Variants in EPB41L2 observed in about 807,000 individuals in gnomAD.
EPB41L2 encodes erythrocyte membrane protein band 4.1 like 2, also known as band 4.1-like protein 2.
A neutral mutation model predicts 113.0 loss-of-function variants in EPB41L2; 43 were observed. The observed-to-expected ratio is 0.38, with a 90% CI of 0.30 to 0.49. The LOEUF is 0.49. Among genes scored for constraint, EPB41L2 ranks in the 20% least tolerant of loss-of-function variants. The pLI is 0.95. For synonymous variants in EPB41L2, 442 were observed against 436.7 expected (o/e 1.01, Z -0.15); for missense variants, 1,147 against 1,223.4 (o/e 0.94, Z 0.93).
At chr6:130,870,454 T>G in intron 14 of EPB41L2, 1 of 1,456,136 alleles carries the variant, frequency 6.9e-7, no homozygotes. Flanking sequence ...AACAAACATC[T>G]GACACTGCAA....
chr6:131,018,434 G>GAA (rs1584550423), intron 1 of EPB41L2, among the ~76,000 whole-genome samples: 1 of 152,018 alleles, frequency 6.6e-6, no homozygotes, highest in African/African-American at 2.4e-5. Context: ...AAAGAAAGGG[G>GAA]AACAGGCGAG....
chr6:130,999,625 C>T (rs1783922853), intron 1 of EPB41L2, among the ~76,000 whole-genome samples: 1 of 152,064 alleles, frequency 6.6e-6, no homozygotes, highest in Non-Finnish European at 1.5e-5. Flanking sequence ...TTAAGATTGG[C>T]CTACTGGGTC....
intron 3 of EPB41L2, among the ~76,000 whole-genome samples, chr6:130,939,913 A>C (rs577192898): frequency 6.6e-6 from 1 of 152,338 alleles, no homozygotes; most frequent in South Asian, 2.1e-4. Context: ...TAAAGATGGT[A>C]GAATGAACAT....
chr6:130,883,752 T>C (rs910435607), intron 12 of EPB41L2, among the ~76,000 whole-genome samples: 1 of 152,222 alleles, frequency 6.6e-6, no homozygotes, highest in Admixed American at 6.5e-5. Context: ...GAAACCTTGT[T>C]GGTCACAATT....
chr6:130,917,454 C>T lies in EPB41L2; in HGVS notation c.811-8591G>A, dbSNP rs528701281. ...ATATCTGATGGGGTTCCTCATCCTCCACCATCCCCCAAGTGATATCAGATC... is the reference window on the plus strand; with the variant it reads ...ATATCTGATGGGGTTCCTCATCCTCTACCATCCCCCAAGTGATATCAGATC... On this transcript the variant is annotated intron_variant, in intron 4 of 19. Transcript: ENST00000337057. 1.4e-3 allele frequency among the ~76,000 whole-genome samples: 220 copies of T among 152,228 alleles called. 2 individuals are homozygous for T. Among genetic ancestry groups the T allele is most frequent in the African/African-American group, 4.9e-3 (204 of 41,528 alleles).
chr6:130,897,363 C>T (rs1460682613), intron 8 of EPB41L2, among the ~76,000 whole-genome samples: 2 of 152,052 alleles, frequency 1.3e-5, no homozygotes, highest in Non-Finnish European at 2.9e-5. Context: ...CAAATATTAC[C>T]TAAGGAGTCT....
At chr6:130,917,740 G>C (rs920575487) in intron 4 of EPB41L2, among the ~76,000 whole-genome samples, 1 of 152,110 alleles carries the variant, frequency 6.6e-6, no homozygotes, top group Non-Finnish European at 1.5e-5. Context: ...ACAAGTGTTA[G>C]AATAAGTTTT....
intron 1 of EPB41L2, among the ~76,000 whole-genome samples, chr6:131,043,755 C>T (rs1794885320): frequency 1.3e-5 from 2 of 152,224 alleles, no homozygotes; most frequent in African/African-American, 4.8e-5. Context: ...TAAGGATTTG[C>T]TGTTAATTTA....
chr6:130,899,617 T>G (rs145345605), intron 7 of EPB41L2, 39 bp from the exon 8 acceptor site: 12 of 1,568,500 alleles, frequency 7.7e-6, no homozygotes, highest in Non-Finnish European at 1.1e-5. Context: ...TATTAATGGA[T>G]GCAGAGCAAA....
chr6:131,046,263 C>T (rs1393253610), intron 1 of EPB41L2, among the ~76,000 whole-genome samples: 1 of 151,928 alleles, frequency 6.6e-6, no homozygotes, highest in African/African-American at 2.4e-5. Flanking sequence ...ACTTTCTCCA[C>T]ACACAGAGAT....
rs955891783 is a variant in EPB41L2, at chr6:130,936,591, T to C, written c.706-9882A>G. Among the ~76,000 whole-genome samples the C allele has an allele frequency of 3.1e-5, 4 of 128,616 alleles. No individual in the cohort carries two copies. The Admixed American group carries it at 3.2e-4, about 10-fold the overall frequency. 84.4% of individuals were successfully genotyped at this position (128,616 alleles called of 152,430 possible). A position where few individuals can be genotyped will look rare whatever the true frequency, so the allele number is the denominator to read the frequency against. On this transcript the variant is annotated intron_variant, in intron 3 of 19. Transcript: ENST00000337057. ...AAGGCCCTTCTAAGCCAAATAGTGA[T>C]AAAATACAAGAATACTAGAAATTTA...
At chr6:131,062,753 C>G (rs1320347267) in intron 1 of EPB41L2, among the ~76,000 whole-genome samples, 1 of 151,976 alleles carries the variant, frequency 6.6e-6, no homozygotes, top group Non-Finnish European at 1.5e-5. Context: ...GACGCGTGAC[C>G]TGAGCCCACG....
intron 1 of EPB41L2, among the ~76,000 whole-genome samples, chr6:131,062,180 C>T (rs1257496781): frequency 3.3e-5 from 5 of 151,764 alleles, no homozygotes; most frequent in Non-Finnish European, 4.4e-5. Flanking sequence ...CTCACCAAAC[C>T]TCATTTTATT....
intron 19 of EPB41L2, among the ~76,000 whole-genome samples, chr6:130,845,405 T>A (rs1583467518): frequency 6.6e-6 from 1 of 152,036 alleles, no homozygotes; most frequent in Admixed American, 6.6e-5. Flanking sequence ...AGAGGCAGGG[T>A]CTTGCTCTGT....
chr6:130,994,386 G>A (rs534575256), intron 1 of EPB41L2, among the ~76,000 whole-genome samples: 1 of 152,310 alleles, frequency 6.6e-6, no homozygotes, highest in South Asian at 2.1e-4. Flanking sequence ...GGATATGGCT[G>A]TGCAACAGGA....
chr6:130,887,344 G>C (rs918137160), intron 11 of EPB41L2, among the ~76,000 whole-genome samples: 2 of 152,152 alleles, frequency 1.3e-5, no homozygotes, highest in African/African-American at 4.8e-5. Flanking sequence ...CTTTCACCTG[G>C]ACCATTCCTA....
intron 1 of EPB41L2, among the ~76,000 whole-genome samples, chr6:131,038,100 C>A (rs1737334649): frequency 1.3e-5 from 2 of 151,910 alleles, no homozygotes; most frequent in South Asian, 4.2e-4. Flanking sequence ...TAATGTATTT[C>A]AGCTTGATTT....
rs1287860575 is a variant in EPB41L2, at chr6:130,899,570, G to A, written c.1157C>T (p.Ser386Leu). ...GAACTGGGAATCAGCTTGTGCTGGCGATAAGCCCCTGAGAATCAAAAGAAA... is the reference window on the plus strand; with the variant it reads ...GAACTGGGAATCAGCTTGTGCTGGCAATAAGCCCCTGAGAATCAAAAGAAA... ...AELHKTHRGL[S>L]PAQADSQFLE... Residue 386 changes from serine to leucine, a missense_variant, in exon 8 of 20, where the codon TCG becomes TTG. Physicochemically the swap from Ser to Leu is moderately radical, Grantham distance 145. Transcript: ENST00000337057. 11 of 1,613,696 alleles carry A rather than the reference G, an allele frequency of 6.8e-6. No homozygotes were observed. The highest frequency in any genetic ancestry group is 1.7e-5 in the Admixed American group (1 of 60,012).
chr6:130,884,961 T>C (rs899972192), intron 12 of EPB41L2, 135 bp downstream of exon 12: 6 of 1,003,110 alleles, frequency 6.0e-6, no homozygotes, highest in African/African-American at 3.2e-5. Flanking sequence ...CTATGCATAT[T>C]TGAAAACATA....
Sources: allele counts gnomAD v4.1 joint callset (sites outside exome capture counted in the v4.1 genomes callset), GRCh38; gene constraint gnomAD v4.1.1; transcripts MANE v1.5; gene names NCBI Gene and HGNC (gene_info 2026-07-23, HGNC 2026-07-21).